The following BCKDHB variants were observed in gnomAD, a reference collection of about 807,000 sequenced individuals.
The protein encoded by BCKDHB is branched chain keto acid dehydrogenase E1 subunit beta.
BCKDHB carries 41 observed loss-of-function variants against 48.5 expected under a neutral mutation model. The ratio of observed to expected loss-of-function variants is 0.85; its 90% CI spans 0.66 to 1.10. The LOEUF is 1.10. BCKDHB is among the 50% of genes least tolerant of loss of function. BCKDHB has a pLI of 0.00. For synonymous variants in BCKDHB, 201 were observed against 174.8 expected, an observed-to-expected ratio of 1.15 and a Z score of -1.18; for missense variants, 496 against 494.2, an observed-to-expected ratio of 1.00 and a Z score of -0.03.
At chr6:80,133,963 A>G (rs1377377694) in intron 3 of BCKDHB, among the ~76,000 whole-genome samples, 1 of 152,158 alleles carries the variant, frequency 6.6e-6, no homozygotes, top group African/African-American at 2.4e-5. Context: ...TTTCATTCAT[A>G]TAAGTAATGA....
rs1192821661 is a variant in BCKDHB at position 80,143,833 on chromosome 6, TAGTC to T, written c.343+14607_343+14610del. 2.6e-5 allele frequency among the ~76,000 whole-genome samples: 4 copies of T among 152,164 alleles called. 1 individual carries two copies. Among genetic ancestry groups the T allele is most frequent in the South Asian group, 4.1e-4 (2 of 4,828 alleles). ...TGGTGGCATCTAGCCAATCATAAAT[TAGTC>T]AGAGGATTCTTATTCTGTAATACTG... On this transcript the variant is annotated intron_variant, in intron 3 of 9. Coordinates refer to ENST00000320393, the MANE Select transcript of BCKDHB (RefSeq NM_183050.4).
At position 80,173,521 on chromosome 6, in the gene BCKDHB, G is replaced by A. The variant is rs1773014042; in HGVS notation, c.742+2131G>A. Reference sequence around the variant, plus strand: ...TCATCACTGCTAGCTTATTAGAAATGAAAATTGTCAGTTTTTATCCAAGAC... The same window carrying A: ...TCATCACTGCTAGCTTATTAGAAATAAAAATTGTCAGTTTTTATCCAAGAC... On this transcript the variant is annotated intron_variant, in intron 6 of 9. Coordinates refer to ENST00000320393, the MANE Select transcript of BCKDHB (RefSeq NM_183050.4). Among the ~76,000 whole-genome samples the A allele has an allele frequency of 1.3e-5, 2 of 152,124 alleles. 1 individual carries two copies. The highest frequency in any genetic ancestry group is 4.1e-4 in the South Asian group (2 of 4,832).
chr6:80,203,059 A>T (rs1480056809), intron 7 of BCKDHB, 43 bp from the exon 8 acceptor site: 1 of 1,388,974 alleles, frequency 7.2e-7, no homozygotes, highest in South Asian at 1.2e-5. Context: ...TTGAGGCTAG[A>T]ACCTTTGTAG....
At chr6:80,176,515 C>G (rs142560573) in intron 6 of BCKDHB, among the ~76,000 whole-genome samples, 1,841 of 152,160 alleles carry the variant, frequency 0.012, 17 homozygotes, top group Non-Finnish European at 0.02. Context: ...AGAGACTTTG[C>G]TAGGAGCCCT....
the BCKDHB span, among the ~76,000 whole-genome samples, chr6:80,416,350 A>G: frequency 7.2e-6 from 1 of 139,708 alleles, no homozygotes; most frequent in Non-Finnish European, 1.6e-5. Flanking sequence ...TTGGTTTTTT[A>G]GTTCTTTTTA....
intron 8 of BCKDHB, among the ~76,000 whole-genome samples, chr6:80,267,807 T>A (rs559137094): frequency 6.6e-6 from 1 of 152,214 alleles, no homozygotes; most frequent in South Asian, 2.1e-4. Context: ...ATTTCCCAAA[T>A]GTTTTATTTC....
At chr6:80,357,789 C>T in the BCKDHB span, among the ~76,000 whole-genome samples, 8 of 152,308 alleles carry the variant, frequency 5.3e-5, no homozygotes, top group South Asian at 6.2e-4. Flanking sequence ...CAGTTTTCTG[C>T]GCAATCCTGG....
At chr6:80,319,234 A>T (rs1303322796) in intron 9 of BCKDHB, among the ~76,000 whole-genome samples, 2 of 152,138 alleles carry the variant, frequency 1.3e-5, no homozygotes, top group African/African-American at 4.8e-5. Context: ...TTTTAGAGGG[A>T]ATCAGTAGGA....
intron 8 of BCKDHB, among the ~76,000 whole-genome samples, chr6:80,243,863 T>A (rs930872588): frequency 6.6e-6 from 1 of 152,228 alleles, no homozygotes; most frequent in Non-Finnish European, 1.5e-5. Flanking sequence ...GAAATCTCAC[T>A]TTAAAAGTGT....
chr6:80,120,550 C>T (rs1769953023), intron 1 of BCKDHB, among the ~76,000 whole-genome samples: 1 of 151,968 alleles, frequency 6.6e-6, no homozygotes, highest in Non-Finnish European at 1.5e-5. Flanking sequence ...TAATGATTGC[C>T]ATTCTAAATG....
the BCKDHB span, among the ~76,000 whole-genome samples, chr6:80,446,128 T>C: frequency 9.8e-5 from 15 of 152,336 alleles, no homozygotes; most frequent in East Asian, 2.5e-3. Context: ...AAAGCTAAGG[T>C]GCTCTAGGAG....
At chr6:80,408,896 A>G in the BCKDHB span, among the ~76,000 whole-genome samples, 1 of 146,340 alleles carries the variant, frequency 6.8e-6, no homozygotes, top group Non-Finnish European at 1.5e-5. Context: ...GATCTTAGTT[A>G]TTTCTTGCCT....
At chr6:80,204,346 A>G (rs985978045) in intron 8 of BCKDHB, among the ~76,000 whole-genome samples, 2 of 152,140 alleles carry the variant, frequency 1.3e-5, no homozygotes, top group African/African-American at 4.8e-5. Context: ...ATCCCGAGCC[A>G]TTCTATTTGT....
At chr6:80,177,533 A>C (rs1467665085) in intron 6 of BCKDHB, among the ~76,000 whole-genome samples, 6 of 152,120 alleles carry the variant, frequency 3.9e-5, no homozygotes, top group African/African-American at 7.2e-5. Flanking sequence ...ACATCTAAGG[A>C]AACAAACATG....
chr6:80,216,312 G>T (rs1381469218), intron 8 of BCKDHB, among the ~76,000 whole-genome samples: 4 of 152,142 alleles, frequency 2.6e-5, no homozygotes, highest in Non-Finnish European at 5.9e-5. Flanking sequence ...TGTCAGCTTA[G>T]AACATATTTT....
intron 9 of BCKDHB, among the ~76,000 whole-genome samples, chr6:80,326,334 C>T (rs769601687): frequency 7.9e-5 from 12 of 152,080 alleles, no homozygotes; most frequent in Non-Finnish European, 1.6e-4. Context: ...CTCTGTAATC[C>T]TCCAGGCTGA....
chr6:80,162,351 C>A (rs565971412), intron 3 of BCKDHB, among the ~76,000 whole-genome samples: 1 of 152,222 alleles, frequency 6.6e-6, no homozygotes, highest in African/African-American at 2.4e-5. Context: ...CATATGCCTT[C>A]TTTCCTCCTG....
At chr6:80,279,199 GC>G (rs1251596966) in intron 9 of BCKDHB, among the ~76,000 whole-genome samples, 1 of 151,920 alleles carries the variant, frequency 6.6e-6, no homozygotes, top group Admixed American at 6.5e-5. Flanking sequence ...CATCACCCAG[GC>G]TGGAGTGCAG....
intron 8 of BCKDHB, among the ~76,000 whole-genome samples, chr6:80,241,308 G>A (rs987139036): frequency 1.4e-4 from 21 of 152,112 alleles, no homozygotes; most frequent in African/African-American, 4.3e-4. Flanking sequence ...GAGGAGCTGC[G>A]ATCCTTTGAA....
Sources: gnomAD v4.1 joint callset for allele counts (sites outside exome capture counted in the v4.1 genomes callset) on GRCh38, gnomAD v4.1.1 for gene constraint, MANE v1.5 for transcripts, NCBI Gene and HGNC (gene_info 2026-07-23, HGNC 2026-07-21) for gene names.